SV2C: variants seen among roughly 807,000 people sequenced by gnomAD.
The protein encoded by SV2C is synaptic vesicle glycoprotein 2C, also known as solute carrier family 22 member B3.
In SV2C, 49 loss-of-function variants were observed where a neutral mutation model predicts 79.7. The ratio of observed to expected loss-of-function variants is 0.61; its 90% CI spans 0.49 to 0.78. The LOEUF is 0.78. Among genes scored for constraint, SV2C ranks in the 30% least tolerant of loss-of-function variants. The probability of loss-of-function intolerance (pLI) is 0.00; values close to 1 mark genes in which losing one functional copy is unlikely to be tolerated. For missense variants in SV2C, 833 were observed against 912.9 expected (o/e 0.91, Z 1.13); for synonymous variants, 334 against 333.2 (o/e 1.00, Z -0.03).
At chr5:75,895,666 G>A in the SV2C span, among the ~76,000 whole-genome samples, 1 of 152,034 alleles carries the variant, frequency 6.6e-6, no homozygotes, top group Non-Finnish European at 1.5e-5. Context: ...TCATGGGCCT[G>A]GGCTGTGTTT....
chr5:76,335,358 T>C (rs975408992), downstream of SV2C, among the ~76,000 whole-genome samples: 8 of 146,714 alleles, frequency 5.5e-5, no homozygotes, highest in East Asian at 2.1e-4. Context: ...AGCTTTCCAC[T>C]CCTCCAGATG....
At chr5:76,012,092 A>C in the SV2C span, among the ~76,000 whole-genome samples, 1 of 152,196 alleles carries the variant, frequency 6.6e-6, no homozygotes, top group Non-Finnish European at 1.5e-5. Context: ...TCTTTATAGT[A>C]GAATGAGTTC....
intron 4 of SV2C, among the ~76,000 whole-genome samples, chr5:76,244,419 G>A (rs1422447261): frequency 6.6e-6 from 1 of 152,276 alleles, no homozygotes; most frequent in Non-Finnish European, 1.5e-5. Flanking sequence ...AATATAACAT[G>A]AGCCACAAAT....
At chr5:76,045,200 T>G in the SV2C span, among the ~76,000 whole-genome samples, 1 of 152,194 alleles carries the variant, frequency 6.6e-6, no homozygotes, top group Admixed American at 6.5e-5. Context: ...TTTCGTCAGG[T>G]TTGTCGAAGA....
chr5:76,162,244 C>G (rs1348690814), intron 2 of SV2C, among the ~76,000 whole-genome samples: 1 of 152,172 alleles, frequency 6.6e-6, no homozygotes, highest in Admixed American at 6.5e-5. Context: ...AACTCTTTAG[C>G]CCTAGTACAC....
At chr5:76,187,932 C>T (rs577470743) in intron 2 of SV2C, among the ~76,000 whole-genome samples, 40 of 152,040 alleles carry the variant, frequency 2.6e-4, no homozygotes, top group South Asian at 8.3e-4. Context: ...TTTATTTCTC[C>T]GCTTTTCTCT....
Position 76,242,307 on chromosome 5 carries a change from C to G in SV2C, c.913+32420C>G. The G allele has an allele frequency of 2.7e-6, 4 of 1,457,168 alleles. No individual in the cohort carries two copies. The Admixed American group carries it at 6.8e-5, about 25-fold the overall frequency. The allele number at this position is 1,457,168 out of a possible 1,614,324, so 90.3% of individuals were successfully genotyped here. A position where few individuals can be genotyped will look rare whatever the true frequency, so the allele number is the denominator to read the frequency against. ...TTTCTCTTGGGCATGGTGGCGGCAG[C>G]GACGGCAGCGGGACATAGGTGCTGG... On this transcript the variant is annotated intron_variant, in intron 4 of 12. Transcript: ENST00000502798.
At chr5:75,867,231 G>C in the SV2C span, among the ~76,000 whole-genome samples, 1 of 152,200 alleles carries the variant, frequency 6.6e-6, no homozygotes, top group Non-Finnish European at 1.5e-5. Context: ...TAGTTTGGCA[G>C]AGGAAGACTT....
At chr5:76,298,670 C>G in intron 9 of SV2C, 124 bp from the exon 10 acceptor site, 1 of 1,126,148 alleles carries the variant, frequency 8.9e-7, no homozygotes, top group South Asian at 2.0e-5. Flanking sequence ...ATCAAGAACT[C>G]TGTGTTCTTT....
Position 76,325,577 on chromosome 5 carries a change from C to G in SV2C, c.*30C>G, listed in dbSNP as rs1415721482. 1 of 1,611,096 alleles carries G rather than the reference C, an allele frequency of 6.2e-7. No individual in the cohort carries two copies. Among genetic ancestry groups the G allele is most frequent in the South Asian group, 1.1e-5 (1 of 90,754 alleles). ...AAAAAAAGCCATCCTTCCTGCGTTT[C>G]TTCCTCCTGCCCTGGGTCAATTCTC... On this transcript the variant is annotated 3_prime_UTR_variant, in exon 13 of 13. Coordinates refer to ENST00000502798, the MANE Select transcript of SV2C (RefSeq NM_014979.4).
intron 12 of SV2C, among the ~76,000 whole-genome samples, chr5:76,348,953 C>G (rs780391013): frequency 3.9e-5 from 6 of 152,068 alleles, no homozygotes; most frequent in Non-Finnish European, 1.5e-5. Context: ...GAGCCGAGAC[C>G]ATACCACTGC....
At chr5:76,218,928 G>A (rs1744984585) in intron 4 of SV2C, among the ~76,000 whole-genome samples, 1 of 16,250 alleles carries the variant, frequency 6.2e-5, no homozygotes. Flanking sequence ...TTAAAAGATT[G>A]TATTTACCTT....
chr5:76,316,989 G>A (rs1354259937), intron 12 of SV2C, among the ~76,000 whole-genome samples: 1 of 152,080 alleles, frequency 6.6e-6, no homozygotes, highest in African/African-American at 2.4e-5. Context: ...CTGGAGCTTA[G>A]TGCAGTGTTT....
At chr5:75,865,743 T>C in the SV2C span, among the ~76,000 whole-genome samples, 2 of 152,194 alleles carry the variant, frequency 1.3e-5, no homozygotes, top group African/African-American at 4.8e-5. Context: ...AGTCAAAGTA[T>C]GAAGATTTCC....
chr5:75,856,419 A>G, the SV2C span, among the ~76,000 whole-genome samples: 1 of 152,148 alleles, frequency 6.6e-6, no homozygotes, highest in African/African-American at 2.4e-5. Flanking sequence ...GTGTGCAAGG[A>G]TTTCCTGTTC....
the SV2C span, among the ~76,000 whole-genome samples, chr5:75,851,277 G>C: frequency 6.6e-6 from 1 of 152,194 alleles, no homozygotes; most frequent in Non-Finnish European, 1.5e-5. Context: ...ACTAGCAGAA[G>C]TGTTCTGCTA....
At chr5:76,077,743 A>G in the SV2C span, among the ~76,000 whole-genome samples, 2 of 152,170 alleles carry the variant, frequency 1.3e-5, no homozygotes, top group African/African-American at 4.8e-5. Context: ...TGAGTTTTGG[A>G]GTCAGAGGAA....
At chr5:76,225,823 T>C (rs896550254) in intron 4 of SV2C, among the ~76,000 whole-genome samples, 6 of 152,184 alleles carry the variant, frequency 3.9e-5, no homozygotes, top group African/African-American at 1.4e-4. Flanking sequence ...CTAAACAAAC[T>C]GGGATTGAGC....
the SV2C span, among the ~76,000 whole-genome samples, chr5:76,043,569 A>C: frequency 6.6e-6 from 1 of 152,348 alleles, no homozygotes; most frequent in Non-Finnish European, 1.5e-5. Flanking sequence ...TTGCTTAGTA[A>C]TAATCTCCCA....
Sources: gnomAD v4.1 joint callset for allele counts (sites outside exome capture counted in the v4.1 genomes callset) on GRCh38, gnomAD v4.1.1 for gene constraint, MANE v1.5 for transcripts, NCBI Gene and HGNC (gene_info 2026-07-23, HGNC 2026-07-21) for gene names.